Variants in TRPM1 observed in about 807,000 individuals in gnomAD.
TRPM1 encodes TRPM1-203 APA Isoform, Intron 10.
TRPM1 carries 113 observed loss-of-function variants against 149.4 expected under a neutral mutation model. The observed-to-expected ratio is 0.76, with a 90% CI of 0.65 to 0.88. The LOEUF (loss-of-function observed/expected upper bound fraction) is 0.88, where lower values mean the gene tolerates loss of function less well. TRPM1 is among the 40% of genes least tolerant of loss of function. The pLI is 0.00. For missense variants in TRPM1, 1,976 were observed against 2,038.7 expected, an observed-to-expected ratio of 0.97 and a Z score of 0.59; for synonymous variants, 741 against 759.5, an observed-to-expected ratio of 0.98 and a Z score of 0.40.
At chr15:31,079,690 G>A (rs1375499626) in intron 2 of TRPM1, among the ~76,000 whole-genome samples, 1 of 152,178 alleles carries the variant, frequency 6.6e-6, no homozygotes, top group South Asian at 2.1e-4. Flanking sequence ...GGACCTTGGG[G>A]CCATATGCCT....
At chr15:31,045,526 T>A (rs766936484) in intron 16 of TRPM1, among the ~76,000 whole-genome samples, 1 of 152,168 alleles carries the variant, frequency 6.6e-6, no homozygotes, top group Admixed American at 6.5e-5. Context: ...TTTTGGGGAC[T>A]AGTGAAAGAT....
intron 1 of TRPM1, among the ~76,000 whole-genome samples, chr15:31,149,733 A>G (rs935676683): frequency 6.6e-6 from 1 of 152,058 alleles, no homozygotes; most frequent in African/African-American, 2.4e-5. Context: ...GTTAGCCAGG[A>G]TGGTCTCGAT....
At chr15:31,006,948 C>T (rs963172817) in intron 27 of TRPM1, among the ~76,000 whole-genome samples, 1 of 152,030 alleles carries the variant, frequency 6.6e-6, no homozygotes, top group Non-Finnish European at 1.5e-5. Context: ...TAATCCTTAG[C>T]TCATTTTTTT....
intron 27 of TRPM1, among the ~76,000 whole-genome samples, chr15:31,017,557 T>C (rs1046006370): frequency 6.6e-6 from 1 of 152,200 alleles, no homozygotes; most frequent in Non-Finnish European, 1.5e-5. Flanking sequence ...TTAACAACAG[T>C]TGCAGCATGA....
At chr15:31,084,096 TCTC>T in intron 1 of TRPM1, among the ~76,000 whole-genome samples, 1 of 152,160 alleles carries the variant, frequency 6.6e-6, no homozygotes, top group Middle Eastern at 3.4e-3. Flanking sequence ...TCCCAGGGGC[TCTC>T]CTCTGGGGAC....
intron 20 of TRPM1, 157 bp from the exon 21 acceptor site, chr15:31,035,831 C>T: frequency 1.9e-6 from 2 of 1,038,060 alleles, no homozygotes; most frequent in Non-Finnish European, 1.4e-6. Flanking sequence ...CTCACCAGTG[C>T]AGACAGAAGA....
chr15:31,128,143 T>C (rs933514645), intron 1 of TRPM1, among the ~76,000 whole-genome samples: 3 of 152,082 alleles, frequency 2.0e-5, no homozygotes, highest in African/African-American at 4.8e-5. Context: ...GGGTAAGGGC[T>C]CCCCTATTCC....
chr15:31,047,219 G>C lies in TRPM1; in HGVS notation c.1656C>G (p.Leu552=). ...ACTCCAGCACGAGCCCGATGTCTAT[G>C]AGGCTGATGTGGTAATCAGGCGGAA... is the stretch of plus-strand genomic sequence containing the variant. ...SNLPPDYHIS[L]IDIGLVLEYL... is the part of the protein sequence containing the mutation. The change falls in exon 15 of 28, where the codon CTC becomes CTG. Residue 552 remains leucine (L), a synonymous_variant. Coordinates refer to ENST00000256552, the MANE Select transcript of TRPM1 (RefSeq NM_001252024.2). 1.2e-6 allele frequency: 2 copies of C among 1,614,240 alleles called. No individual in the cohort carries two copies. Among genetic ancestry groups the C allele is most frequent in the Non-Finnish European group, 1.7e-6 (2 of 1,180,050 alleles).
chr15:31,106,636 G>C (rs1349875416), upstream of TRPM1, among the ~76,000 whole-genome samples: 1 of 152,094 alleles, frequency 6.6e-6, no homozygotes, highest in Non-Finnish European at 1.5e-5. Flanking sequence ...TTTGACAGCT[G>C]TGTGGCCCGA....
At chr15:31,092,466 C>G (rs1486256312) in intron 1 of TRPM1, among the ~76,000 whole-genome samples, 1 of 152,176 alleles carries the variant, frequency 6.6e-6, no homozygotes, top group Non-Finnish European at 1.5e-5. Flanking sequence ...GGCCAGGCAG[C>G]CGGACCTGGA....
intron 1 of TRPM1, among the ~76,000 whole-genome samples, chr15:31,092,340 C>T (rs770355033): frequency 6.6e-5 from 10 of 151,806 alleles, no homozygotes; most frequent in Non-Finnish European, 1.2e-4. Context: ...GTTTTACGAA[C>T]GAAGAAACTG....
intron 1 of TRPM1, among the ~76,000 whole-genome samples, chr15:31,121,223 CAA>C (rs71420549): frequency 1.7e-5 from 1 of 59,382 alleles, no homozygotes; most frequent in Non-Finnish European, 3.1e-5. Flanking sequence ...GACTCCATCT[CAA>C]AAAAAAAAAA....
chr15:31,121,446 A>G (rs1462875599), intron 1 of TRPM1, among the ~76,000 whole-genome samples: 1 of 152,154 alleles, frequency 6.6e-6, no homozygotes, highest in Non-Finnish European at 1.5e-5. Flanking sequence ...AAGTTAACCA[A>G]AGAGATCAGA....
intron 1 of TRPM1, among the ~76,000 whole-genome samples, chr15:31,098,105 G>A (rs757796828): frequency 3.3e-5 from 5 of 151,992 alleles, no homozygotes; most frequent in African/African-American, 7.3e-5. Context: ...TGTCTGTGGC[G>A]CGTGTGCTAT....
At chr15:31,008,277 G>GAACAGTTTAGGGAACA (rs1448009279) in intron 27 of TRPM1, among the ~76,000 whole-genome samples, 2 of 152,172 alleles carry the variant, frequency 1.3e-5, no homozygotes, top group East Asian at 3.8e-4. Context: ...CAGTTTTAGG[G>GAACAGTTTAGGGAACA]AGAAAGCAGT....
In TRPM1 at chr15:31,003,079, T is replaced by C. The variant is rs1397323237; in HGVS notation, c.3630-9A>G. On this transcript the variant is annotated splice_polypyrimidine_tract_variant and intron_variant, in intron 27 of 27. Coordinates refer to ENST00000256552, the MANE Select transcript of TRPM1 (RefSeq NM_001252024.2). ...TTGACATATTTTCAACTCTGGTGAA[T>C]ATAAAGGGATAGATTTATTAAACTG... The C allele has an allele frequency of 1.3e-6, 2 of 1,595,136 alleles. No individual in the cohort carries two copies. Among genetic ancestry groups the C allele is most frequent in the Admixed American group, 1.8e-5 (1 of 56,406 alleles).
intron 12 of TRPM1, among the ~76,000 whole-genome samples, chr15:31,050,144 C>T (rs1274809680): frequency 6.6e-6 from 1 of 152,236 alleles, no homozygotes; most frequent in Non-Finnish European, 1.5e-5. Flanking sequence ...AGGTACAGAA[C>T]CATTGCTGAA....
chr15:31,061,212 A>C (rs924536624), intron 10 of TRPM1, among the ~76,000 whole-genome samples: 49 of 152,188 alleles, frequency 3.2e-4, no homozygotes, highest in African/African-American at 1.2e-3. Context: ...TTACAAATAG[A>C]AACGGTTCTG....
intron 1 of TRPM1, among the ~76,000 whole-genome samples, chr15:31,089,041 G>A (rs953401707): frequency 6.6e-6 from 1 of 152,186 alleles, no homozygotes; most frequent in African/African-American, 2.4e-5. Flanking sequence ...GGGGGTATCA[G>A]AAATCCAGTA....
Sources: allele counts gnomAD v4.1 joint callset (sites outside exome capture counted in the v4.1 genomes callset), GRCh38; gene constraint gnomAD v4.1.1; transcripts MANE v1.5; gene names NCBI Gene and HGNC (gene_info 2026-07-23, HGNC 2026-07-21).